The following NTRK3 variants were observed in gnomAD, a reference collection of about 807,000 sequenced individuals.
The protein encoded by NTRK3 is NT-3 growth factor receptor.
A neutral mutation model predicts 91.7 loss-of-function variants in NTRK3; 24 were observed. The observed-to-expected ratio is 0.26, with a 90% confidence interval of 0.19 to 0.37. The LOEUF (loss-of-function observed/expected upper bound fraction) is 0.37, where lower values mean the gene tolerates loss of function less well. Ranked by LOEUF, NTRK3 falls within the 10% of genes least tolerant of loss-of-function variation. The probability of loss-of-function intolerance (pLI) is 1.00; values close to 1 mark genes in which losing one functional copy is unlikely to be tolerated. For missense variants in NTRK3, 880 were observed against 1,068.9 expected (o/e 0.82, Z 2.46); for synonymous variants, 483 against 404.0 (o/e 1.20, Z -2.34).
At chr15:87,889,006 T>A (rs765306948) in intron 17 of NTRK3, among the ~76,000 whole-genome samples, 1 of 152,118 alleles carries the variant, frequency 6.6e-6, no homozygotes, top group Non-Finnish European at 1.5e-5. Context: ...AAAACTTTCT[T>A]CTCTCTCCTC....
intron 17 of NTRK3, among the ~76,000 whole-genome samples, chr15:87,925,885 T>C (rs1179213422): frequency 6.6e-6 from 1 of 152,220 alleles, no homozygotes; most frequent in African/African-American, 2.4e-5. Flanking sequence ...AATAAAATTA[T>C]CCACAGAGTT....
At chr15:88,195,049 C>T (rs2151704166) in intron 3 of NTRK3, among the ~76,000 whole-genome samples, 1 of 152,300 alleles carries the variant, frequency 6.6e-6, no homozygotes, top group South Asian at 2.1e-4. Flanking sequence ...GCCCCCCAGG[C>T]TTGGGTTGTC....
intron 3 of NTRK3, among the ~76,000 whole-genome samples, chr15:88,193,279 C>T (rs938354422): frequency 1.2e-4 from 19 of 152,130 alleles, no homozygotes; most frequent in Non-Finnish European, 2.8e-4. Context: ...GCCCCGAGCA[C>T]ACCACTGAAC....
chr15:88,230,275 C>G (rs1363268903), intron 3 of NTRK3, among the ~76,000 whole-genome samples: 1 of 152,228 alleles, frequency 6.6e-6, no homozygotes, highest in Non-Finnish European at 1.5e-5. Context: ...ATTATAAGTA[C>G]TTCATCCACC....
chr15:88,197,459 C>T (rs995082033), intron 3 of NTRK3, among the ~76,000 whole-genome samples: 2 of 152,172 alleles, frequency 1.3e-5, no homozygotes, highest in Non-Finnish European at 2.9e-5. Context: ...CAAGACATCC[C>T]AATGGCTATC....
chr15:87,954,853 C>T (rs191693527), intron 14 of NTRK3, among the ~76,000 whole-genome samples: 1 of 152,336 alleles, frequency 6.6e-6, no homozygotes, highest in Non-Finnish European at 1.5e-5. Context: ...CATAAATTCC[C>T]TGACAGCCAC....
At chr15:88,195,241 T>TAAA (rs1221681429) in intron 3 of NTRK3, among the ~76,000 whole-genome samples, 4 of 152,234 alleles carry the variant, frequency 2.6e-5, no homozygotes, top group Non-Finnish European at 5.9e-5. Context: ...ATAACTCATT[T>TAAA]ATTATCACTT....
chr15:87,935,335 C>T (rs938804273), intron 15 of NTRK3, among the ~76,000 whole-genome samples: 2 of 152,168 alleles, frequency 1.3e-5, no homozygotes, highest in African/African-American at 4.8e-5. Context: ...TACCAGACCT[C>T]ATTCTATGTG....
At chr15:87,892,765 G>T (rs1187492957) in intron 17 of NTRK3, among the ~76,000 whole-genome samples, 1 of 152,108 alleles carries the variant, frequency 6.6e-6, no homozygotes, top group Non-Finnish European at 1.5e-5. Flanking sequence ...AGTAAATTAT[G>T]ATAGAGTGGC....
At chr15:87,928,530 T>C (rs1037789592) in intron 17 of NTRK3, 5 of 153,750 alleles carry the variant, frequency 3.3e-5, no homozygotes, top group African/African-American at 1.2e-4. Flanking sequence ...CAGATGACTA[T>C]ATGAAGGTAA....
In NTRK3 at chr15:87,877,193, A is replaced by G. The variant is rs1030580184; in HGVS notation, c.2293-73T>C. On this transcript the variant is annotated intron_variant, in intron 18 of 18. Coordinates refer to ENST00000394480, the Ensembl canonical transcript of NTRK3. Reference sequence around the variant, plus strand: ...GGTCCTGTGGCTCAGACTCGGCAAAAAGCAACAACTTCCCGGATTAGTTTC... The same window carrying G: ...GGTCCTGTGGCTCAGACTCGGCAAAGAGCAACAACTTCCCGGATTAGTTTC... 1.2e-5 allele frequency: 18 copies of G among 1,488,800 alleles called. No homozygotes were observed. The African/African-American group carries it at 1.9e-4, about 16-fold the overall frequency. 92.2% of individuals were successfully genotyped at this position (1,488,800 alleles called of 1,614,324 possible). A position where few individuals can be genotyped will look rare whatever the true frequency, so the allele number is the denominator to read the frequency against.
chr15:88,176,591 C>T (rs777271247), intron 5 of NTRK3, among the ~76,000 whole-genome samples: 7 of 152,214 alleles, frequency 4.6e-5, no homozygotes, highest in Non-Finnish European at 1.0e-4. Context: ...CTAGTCCTGG[C>T]TCAGCTCTTA....
In NTRK3 at chr15:88,101,215, T is replaced by A. The variant is rs1030067160; in HGVS notation, c.1396+25056A>T. On this transcript the variant is annotated intron_variant, in intron 13 of 18. Transcript: ENST00000394480. ...TCAAAAAGTGGGCGAAGGATATGAATAGACACTTCTCAAAAGAAGACATTT... is the reference window on the plus strand; with the variant it reads ...TCAAAAAGTGGGCGAAGGATATGAAAAGACACTTCTCAAAAGAAGACATTT... 1.3e-5 allele frequency among the ~76,000 whole-genome samples: 2 copies of A among 151,554 alleles called. 1 individual carries two copies. Among genetic ancestry groups the A allele is most frequent in the South Asian group, 4.2e-4 (2 of 4,770 alleles).
At chr15:88,251,117 T>G (rs961498465) in intron 3 of NTRK3, among the ~76,000 whole-genome samples, 2 of 152,196 alleles carry the variant, frequency 1.3e-5, no homozygotes, top group Non-Finnish European at 2.9e-5. Context: ...CAGTTGACTC[T>G]AAATAGTGTC....
intron 17 of NTRK3, among the ~76,000 whole-genome samples, chr15:87,882,038 G>C (rs1379541507): frequency 1.3e-5 from 2 of 152,012 alleles, no homozygotes; most frequent in Non-Finnish European, 2.9e-5. Context: ...TGGGATTATA[G>C]GCATGAAACA....
At chr15:87,945,535 G>A (rs1030794612) in intron 14 of NTRK3, among the ~76,000 whole-genome samples, 1 of 152,118 alleles carries the variant, frequency 6.6e-6, no homozygotes, top group Admixed American at 6.5e-5. Flanking sequence ...TCAGAGCCCT[G>A]AGAGGTCAGT....
exon 19 of NTRK3, chr15:87,860,405 GC>G: frequency 9.1e-6 from 2 of 220,596 alleles, no homozygotes; most frequent in Non-Finnish European, 1.8e-5. Context: ...GTGGGCACTT[GC>G]CTTTTCAACA....
At chr15:88,168,377 G>A (rs1168625283) in intron 5 of NTRK3, among the ~76,000 whole-genome samples, 1 of 152,138 alleles carries the variant, frequency 6.6e-6, no homozygotes, top group Non-Finnish European at 1.5e-5. Context: ...GGGTGGGAAG[G>A]GAAGGGAGGA....
At chr15:88,253,980 C>T (rs1037821192) in intron 3 of NTRK3, among the ~76,000 whole-genome samples, 16 of 152,228 alleles carry the variant, frequency 1.1e-4, no homozygotes, top group Admixed American at 5.2e-4. Flanking sequence ...AAAGAGCCTA[C>T]GTGATTGTGA....
Sources: gnomAD v4.1 joint callset for allele counts (sites outside exome capture counted in the v4.1 genomes callset) on GRCh38, gnomAD v4.1.1 for gene constraint, MANE v1.5 for transcripts, NCBI Gene and HGNC (gene_info 2026-07-23, HGNC 2026-07-21) for gene names.